Variants in PTH2R observed in about 807,000 individuals in gnomAD.
PTH2R encodes PTH2 receptor.
A neutral mutation model predicts 60.3 loss-of-function variants in PTH2R; 59 were observed. That is an observed-to-expected ratio of 0.98 (90% CI 0.79 to 1.22). The LOEUF is 1.22. Among genes scored for constraint, PTH2R ranks in the 50% most tolerant of loss-of-function variants. PTH2R has a pLI of 0.00. For missense variants in PTH2R, 749 were observed against 682.6 expected, an observed-to-expected ratio of 1.10 and a Z score of -1.08; for synonymous variants, 256 against 243.8, an observed-to-expected ratio of 1.05 and a Z score of -0.47.
intron 1 of PTH2R, among the ~76,000 whole-genome samples, chr2:208,393,097 A>G (rs1399128445): frequency 1.3e-5 from 2 of 152,210 alleles, no homozygotes; most frequent in African/African-American, 4.8e-5. Flanking sequence ...CGCTGCTACT[A>G]GAGCCTCTGT....
At chr2:208,409,860 T>C (rs1701504167) in intron 1 of PTH2R, among the ~76,000 whole-genome samples, 1 of 152,214 alleles carries the variant, frequency 6.6e-6, no homozygotes, top group African/African-American at 2.4e-5. Flanking sequence ...TTTTCTTTAC[T>C]GTGTTAGTGG....
chr2:208,367,421 TTTC>T (rs1265416868), intron 1 of PTH2R, among the ~76,000 whole-genome samples: 1 of 95,596 alleles, frequency 1.0e-5, no homozygotes, highest in African/African-American at 2.9e-5. Flanking sequence ...TTTTTTTCTC[TTTC>T]TTTTTTTTTT....
At chr2:208,475,425 C>T (rs368915126) in intron 9 of PTH2R, among the ~76,000 whole-genome samples, 2 of 151,984 alleles carry the variant, frequency 1.3e-5, no homozygotes, top group East Asian at 1.9e-4. Flanking sequence ...AAAAAACAAA[C>T]ACACCATAAA....
chr2:208,369,883 A>G (rs974076924), intron 1 of PTH2R, among the ~76,000 whole-genome samples: 20 of 152,054 alleles, frequency 1.3e-4, no homozygotes, highest in Admixed American at 1.3e-4. Context: ...AGTTCTCAGT[A>G]ATGAGAATGC....
intron 1 of PTH2R, among the ~76,000 whole-genome samples, chr2:208,380,289 C>A (rs1233855107): frequency 6.6e-6 from 1 of 152,116 alleles, no homozygotes; most frequent in Non-Finnish European, 1.5e-5. Flanking sequence ...AGGACATAAA[C>A]TTTAAATTCA....
intron 8 of PTH2R, among the ~76,000 whole-genome samples, chr2:208,451,100 G>T (rs1702398775): frequency 6.6e-6 from 1 of 152,120 alleles, no homozygotes; most frequent in South Asian, 2.1e-4. Flanking sequence ...ATGGGTAAGA[G>T]AATCCACTTA....
chr2:208,410,837 A>C (rs953179525), intron 1 of PTH2R, among the ~76,000 whole-genome samples: 2 of 152,170 alleles, frequency 1.3e-5, no homozygotes, highest in Admixed American at 6.6e-5. Flanking sequence ...GTATAGACAT[A>C]AAATGGGATA....
intron 1 of PTH2R, among the ~76,000 whole-genome samples, chr2:208,387,405 A>T (rs1701021666): frequency 6.6e-6 from 1 of 152,238 alleles, no homozygotes; most frequent in African/African-American, 2.4e-5. Context: ...TGAATTGAAC[A>T]GGCAGTTACT....
chr2:208,468,907 T>A (rs1393541093), intron 9 of PTH2R, among the ~76,000 whole-genome samples: 1 of 152,162 alleles, frequency 6.6e-6, no homozygotes, highest in African/African-American at 2.4e-5. Flanking sequence ...AAATACTTGT[T>A]GGAAAAACAA....
chr2:208,407,017 C>CT lies in PTH2R; in HGVS notation c.-26dup, dbSNP rs1233140668. ...TCTCCCGGGCTCTGGAGGAGGGTCC[C>CT]TGCTTCTTCCTACAGCCGTTCCGGG... On this transcript the variant is annotated 5_prime_UTR_variant, in exon 1 of 13. Transcript: ENST00000272847. 1.5e-6 allele frequency: 2 copies of CT among 1,379,046 alleles called. No homozygotes were observed. Among genetic ancestry groups the CT allele is most frequent in the East Asian group, 5.5e-5 (2 of 36,136 alleles). 85.4% of individuals were successfully genotyped at this position (1,379,046 alleles called of 1,614,324 possible).
intron 2 of PTH2R, 31 bp downstream of exon 2, chr2:208,428,334 G>A (rs764468593): frequency 1.4e-6 from 2 of 1,460,648 alleles, no homozygotes; most frequent in East Asian, 2.3e-5. Context: ...GGCTCTCCTT[G>A]TGCCTCCTAT....
At chr2:208,483,752 A>AT (rs1242210261) in intron 10 of PTH2R, among the ~76,000 whole-genome samples, 3 of 152,228 alleles carry the variant, frequency 2.0e-5, no homozygotes, top group Non-Finnish European at 4.4e-5. Context: ...AGCTAAATAC[A>AT]TTTTTTAATG....
intron 1 of PTH2R, among the ~76,000 whole-genome samples, chr2:208,421,136 G>A (rs930043786): frequency 6.6e-6 from 1 of 152,122 alleles, no homozygotes; most frequent in East Asian, 1.9e-4. Context: ...AGCTCAATGT[G>A]ATCGCATTCT....
At chr2:208,378,206 A>C (rs2125874708) in intron 1 of PTH2R, among the ~76,000 whole-genome samples, 1 of 151,602 alleles carries the variant, frequency 6.6e-6, no homozygotes, top group East Asian at 1.9e-4. Context: ...CCCTGTCTCC[A>C]CCAAAAAAAT....
chr2:208,372,835 A>G (rs1236211085), intron 1 of PTH2R, among the ~76,000 whole-genome samples: 1 of 152,096 alleles, frequency 6.6e-6, no homozygotes, highest in Admixed American at 6.5e-5. Flanking sequence ...CTGTAATCCT[A>G]GCAGTTTGGG....
intron 9 of PTH2R, among the ~76,000 whole-genome samples, chr2:208,473,394 A>G (rs890948915): frequency 6.6e-6 from 1 of 152,220 alleles, no homozygotes; most frequent in African/African-American, 2.4e-5. Flanking sequence ...GAAGTAGGCA[A>G]TAGTAGGTAA....
In PTH2R at chr2:208,477,929, TAGC is replaced by T. The variant is rs1703048072; in HGVS notation, c.982-3139_982-3137del. On this transcript the variant is annotated intron_variant, in intron 9 of 12. Transcript: ENST00000272847. ...CTAGTACTAGCACTACTACTAGTAC[TAGC>T]ACTACTACTAGTAGTACTAGCACTA... 1.4e-4 allele frequency among the ~76,000 whole-genome samples: 21 copies of T among 146,408 alleles called. No homozygotes were observed. The South Asian group carries it at 4.1e-3, about 28-fold the overall frequency.
intron 1 of PTH2R, among the ~76,000 whole-genome samples, chr2:208,419,734 T>C (rs527826108): frequency 7.9e-5 from 12 of 152,228 alleles, no homozygotes; most frequent in Non-Finnish European, 1.8e-4. Flanking sequence ...TTCAGCTTTC[T>C]ACATATGGCT....
chr2:208,440,299 T>C (rs992669206), intron 4 of PTH2R, among the ~76,000 whole-genome samples: 1 of 152,346 alleles, frequency 6.6e-6, no homozygotes, highest in East Asian at 1.9e-4. Flanking sequence ...GTGAAGTACA[T>C]GAAGTACTAA....
Sources: gnomAD v4.1 joint callset for allele counts (sites outside exome capture counted in the v4.1 genomes callset) on GRCh38, gnomAD v4.1.1 for gene constraint, MANE v1.5 for transcripts, NCBI Gene and HGNC (gene_info 2026-07-23, HGNC 2026-07-21) for gene names.